Variants in MSTO1 observed in about 807,000 individuals in gnomAD.
MSTO1 encodes the protein protein misato homolog 1.
MSTO1 carries 24 observed loss-of-function variants against 55.7 expected under a neutral mutation model. The ratio of observed to expected loss-of-function variants is 0.43; its 90% confidence interval spans 0.31 to 0.61. The LOEUF is 0.61. MSTO1 is among the 20% of genes least tolerant of loss of function. The pLI is 0.09. For synonymous variants in MSTO1, 162 were observed against 252.8 expected, an observed-to-expected ratio of 0.64 and a Z score of 3.41; for missense variants, 363 against 625.7, an observed-to-expected ratio of 0.58 and a Z score of 4.48.
chr1:155,614,076 G>A lies in MSTO1; in HGVS notation c.1516G>A (p.Val506Met). 2 of 1,446,480 alleles carry A rather than the reference G, an allele frequency of 1.4e-6. No individual in the cohort carries two copies. The highest frequency in any genetic ancestry group is 1.8e-6 in the Non-Finnish European group (2 of 1,083,710). The allele number at this position is 1,446,480 out of a possible 1,614,324, so 89.6% of individuals were successfully genotyped here. ...CTCCACAGCAGTGGAGAGCATCCCAGTGTTTGGGGCACTGTGTTCCTCTTC... is the reference window on the plus strand; with the variant it reads ...CTCCACAGCAGTGGAGAGCATCCCAATGTTTGGGGCACTGTGTTCCTCTTC... ...PKGAAVESIP[V>M]FGALCSSSSL... Residue 506 changes from valine (V) to methionine (M), a missense_variant, in exon 14 of 14, where the codon GTG becomes ATG. Around this residue, in one of 3 missense-constraint regions of MSTO1, gnomAD observed 38 missense variants for 126.4 expected, o/e 0.30. Transcript: ENST00000245564.
In MSTO1 at chr1:155,612,727, C is replaced by G. The variant is rs1571250142; in HGVS notation, c.967-117C>G. 5 of 1,429,742 alleles carry G rather than the reference C, an allele frequency of 3.5e-6. No homozygotes were observed. In the East Asian group the frequency reaches 1.1e-4, roughly 33 times the overall value. 88.6% of individuals were successfully genotyped at this position (1,429,742 alleles called of 1,614,324 possible). A position where few individuals can be genotyped will look rare whatever the true frequency, so the allele number is the denominator to read the frequency against. ...ATCACACTGTCCTATGCTTGTCCAG[C>G]CTGGGGTCAAACATACCCCTGATTC... On this transcript the variant is annotated intron_variant, in intron 9 of 13. Coordinates refer to ENST00000245564, the MANE Select transcript of MSTO1 (RefSeq NM_018116.4).
the MSTO1 span, among the ~76,000 whole-genome samples, chr1:155,593,706 C>T: frequency 0.02 from 3,111 of 152,276 alleles, 105 homozygotes; most frequent in African/African-American, 0.072. Flanking sequence ...CGGTGGCTCA[C>T]GCCCATAATC....
At chr1:155,591,650 C>T in the MSTO1 span, among the ~76,000 whole-genome samples, 40 of 151,726 alleles carry the variant, frequency 2.6e-4, no homozygotes, top group African/African-American at 8.5e-4. Flanking sequence ...ATTAGCCAGG[C>T]GTGGTGGCGC....
chr1:155,574,847 A>G, the MSTO1 span, among the ~76,000 whole-genome samples: 2 of 148,996 alleles, frequency 1.3e-5, no homozygotes, highest in African/African-American at 4.9e-5. Flanking sequence ...CACAGCCTCC[A>G]CTATCTAATT....
the MSTO1 span, among the ~76,000 whole-genome samples, chr1:155,581,339 G>A: frequency 1.4e-4 from 21 of 152,052 alleles, no homozygotes; most frequent in African/African-American, 4.8e-4. Flanking sequence ...GGCAGATAAT[G>A]GGGAAAAGCT....
the MSTO1 span, among the ~76,000 whole-genome samples, chr1:155,583,034 T>TAA: frequency 1.4e-5 from 2 of 139,800 alleles, no homozygotes; most frequent in Non-Finnish European, 3.1e-5. Flanking sequence ...CCTGGCAAAT[T>TAA]AAAAAAAAAA....
the MSTO1 span, among the ~76,000 whole-genome samples, chr1:155,585,246 G>A: frequency 3.3e-5 from 5 of 152,106 alleles, no homozygotes; most frequent in South Asian, 2.1e-4. Context: ...AATGAGGGAC[G>A]GGCGTGGTAG....
At chr1:155,598,183 C>G in the MSTO1 span, among the ~76,000 whole-genome samples, 1 of 150,816 alleles carries the variant, frequency 6.6e-6, no homozygotes, top group East Asian at 2.0e-4. Context: ...AATGACGCAT[C>G]TCAGCTCACC....
chr1:155,577,040 AAAGTT>A, the MSTO1 span, among the ~76,000 whole-genome samples: 15 of 149,366 alleles, frequency 1.0e-4, no homozygotes, highest in African/African-American at 3.4e-4. Context: ...AAAAAAAAAA[AAAGTT>A]AGAAAACTCA....
chr1:155,599,592 G>C, the MSTO1 span, among the ~76,000 whole-genome samples: 2 of 152,198 alleles, frequency 1.3e-5, no homozygotes, highest in African/African-American at 4.8e-5. Context: ...GGTGGAATGA[G>C]AGACTTGGAA....
At chr1:155,589,417 A>G in the MSTO1 span, among the ~76,000 whole-genome samples, 1 of 151,898 alleles carries the variant, frequency 6.6e-6, no homozygotes. Context: ...GGGTGACTGT[A>G]TTAGTCAGGG....
the MSTO1 span, among the ~76,000 whole-genome samples, chr1:155,593,935 C>G: frequency 6.6e-6 from 1 of 151,694 alleles, no homozygotes; most frequent in African/African-American, 2.4e-5. Flanking sequence ...TGCCACTGCA[C>G]TCCAGCCTGG....
chr1:155,578,541 C>T, the MSTO1 span, among the ~76,000 whole-genome samples: 1 of 138,408 alleles, frequency 7.2e-6, no homozygotes, highest in East Asian at 2.1e-4. Context: ...GACGGAGTCC[C>T]ACTCTTTAGC....
intron 13 of MSTO1, 88 bp from the exon 14 acceptor site, chr1:155,613,971 C>T: frequency 6.4e-7 from 1 of 1,568,458 alleles, no homozygotes; most frequent in Admixed American, 1.8e-5. Context: ...ATCAAGTCTA[C>T]TAAGGTTGGA....
the MSTO1 span, among the ~76,000 whole-genome samples, chr1:155,590,371 C>G: frequency 1.3e-5 from 2 of 152,260 alleles, no homozygotes; most frequent in East Asian, 3.9e-4. Context: ...GATCCAGAAT[C>G]TCAAAGCATC....
At chr1:155,581,296 G>A in the MSTO1 span, among the ~76,000 whole-genome samples, 1 of 152,078 alleles carries the variant, frequency 6.6e-6, no homozygotes, top group South Asian at 2.1e-4. Flanking sequence ...GACTGTGGTT[G>A]GAAGCAGAAC....
chr1:155,612,818 G>A (rs757999943), intron 9 of MSTO1, 26 bp from the exon 10 acceptor site: 3 of 1,612,558 alleles, frequency 1.9e-6, no homozygotes, highest in Non-Finnish European at 2.5e-6. Flanking sequence ...CTGAGGCCAA[G>A]TGCCCATCTT....
the MSTO1 span, among the ~76,000 whole-genome samples, chr1:155,595,704 A>G: frequency 6.6e-6 from 1 of 151,756 alleles, no homozygotes; most frequent in East Asian, 1.9e-4. Context: ...CATGTTGGCC[A>G]GGATGGTCTC....
the MSTO1 span, among the ~76,000 whole-genome samples, chr1:155,601,850 G>A: frequency 2.0e-5 from 3 of 151,990 alleles, no homozygotes; most frequent in African/African-American, 7.2e-5. Flanking sequence ...CGCCTCCCGG[G>A]TTCACACCAT....
Sources: allele counts gnomAD v4.1 joint callset (sites outside exome capture counted in the v4.1 genomes callset), GRCh38; gene constraint gnomAD v4.1.1; regional missense constraint gnomAD v4.1.1; transcripts MANE v1.5; gene names NCBI Gene and HGNC (gene_info 2026-07-23, HGNC 2026-07-21).